The following MACF1 variants were observed in gnomAD, a reference collection of about 807,000 sequenced individuals.
The protein encoded by MACF1 is microtubule-actin cross-linking factor 1.
MACF1 carries 193 observed loss-of-function variants against 854.8 expected under a neutral mutation model. The ratio of observed to expected loss-of-function variants is 0.23; its 90% CI spans 0.20 to 0.25. The LOEUF (loss-of-function observed/expected upper bound fraction) is 0.25, where lower values mean the gene tolerates loss of function less well. MACF1 is among the 10% of genes least tolerant of loss of function. The pLI is 1.00. For missense variants in MACF1, 7,722 were observed against 8,929.1 expected (o/e 0.86, Z 5.45); for synonymous variants, 3,185 against 3,226.7 (o/e 0.99, Z 0.44).
chr1:39,411,856 TATG>T (rs745836053), intron 58 of MACF1: 93 of 1,613,824 alleles, frequency 5.8e-5, no homozygotes, highest in Non-Finnish European at 7.6e-5. Context: ...GGCAAAAGAT[TATG>T]ATACTAGATT....
Position 39,334,009 on chromosome 1 carries a change from G to T in MACF1, c.7421G>T (p.Ser2474Ile). Reference sequence around the variant, plus strand: ...ACAACAGGACTTATAGACCCTGATAGTAAAGCACCTTTAACAGTTGTGCAG... The same window carrying T: ...ACAACAGGACTTATAGACCCTGATATTAAAGCACCTTTAACAGTTGTGCAG... Reference protein sequence around the residue: ...METTGLIDPDSKAPLTVVQSI... With the variant: ...METTGLIDPDIKAPLTVVQSI... The change falls in exon 37 of 101, where the codon AGT (serine) becomes ATT (isoleucine). Residue 2474 changes from serine (S) to isoleucine (I), a missense_variant. Ser to Ile is a moderately radical substitution (Grantham distance 142). Coordinates refer to ENST00000564288, the MANE Select transcript of MACF1 (RefSeq NM_001394062.1). 3 of 1,614,206 alleles carry T rather than the reference G, an allele frequency of 1.9e-6. No homozygotes were observed. In the South Asian group the frequency reaches 3.3e-5, roughly 18 times the overall value.
intron 58 of MACF1, chr1:39,413,199 T>C (rs780891493): frequency 6.2e-7 from 1 of 1,613,504 alleles, no homozygotes; most frequent in Non-Finnish European, 8.5e-7. Flanking sequence ...TCACCCCAGC[T>C]ACCACAGTGC....
At chr1:39,463,481 A>G in intron 93 of MACF1, 131 bp from the exon 94 acceptor site, 1 of 605,688 alleles carries the variant, frequency 1.7e-6, no homozygotes, top group Non-Finnish European at 3.0e-6. Context: ...CAAGAGCGAA[A>G]CTCCATCTCA....
intron 99 of MACF1, among the ~76,000 whole-genome samples, chr1:39,483,073 C>A (rs1397989278): frequency 1.0e-5 from 1 of 99,670 alleles, no homozygotes; most frequent in East Asian, 3.1e-4. Flanking sequence ...GGTGATGGAG[C>A]AAGACTCTGT....
intron 6 of MACF1, among the ~76,000 whole-genome samples, chr1:39,274,955 G>C (rs188637817): frequency 2.8e-4 from 42 of 152,142 alleles, no homozygotes; most frequent in African/African-American, 9.4e-4. Flanking sequence ...AAACACCCTT[G>C]TAGAAAAATA....
rs1112365 is a variant in MACF1, at chr1:39,230,972, G to A, written c.110-210G>A. ...TGCCATGGTATGATTTTTGAGGCACGTGGTGATTCTGTCTGATTTGTAAAC... is the reference window on the plus strand; with the variant it reads ...TGCCATGGTATGATTTTTGAGGCACATGGTGATTCTGTCTGATTTGTAAAC... On this transcript the variant is annotated intron_variant, in intron 1 of 100. Transcript: ENST00000564288. 0.031 allele frequency among the ~76,000 whole-genome samples: 4,691 copies of A among 152,252 alleles called. 236 individuals are homozygous for A. Among genetic ancestry groups the A allele is most frequent in the African/African-American group, 0.11 (4,431 of 41,520 alleles).
At chr1:39,322,541 A>ATTAAG in intron 31 of MACF1, 67 bp from the exon 32 acceptor site, 1 of 1,335,648 alleles carries the variant, frequency 7.5e-7, no homozygotes, top group Non-Finnish European at 1.1e-6. Flanking sequence ...AAAAGCTATG[A>ATTAAG]TTTATTACAT....
At chr1:39,306,746 C>T (rs1167590464) in intron 23 of MACF1, among the ~76,000 whole-genome samples, 4 of 151,706 alleles carry the variant, frequency 2.6e-5, no homozygotes, top group South Asian at 4.2e-4. Flanking sequence ...TGGTGGATTA[C>T]ACTCTCCAAT....
At chr1:39,195,553 A>G (rs1644308753) in intron 2 of MACF1, among the ~76,000 whole-genome samples, 1 of 152,252 alleles carries the variant, frequency 6.6e-6, no homozygotes, top group Non-Finnish European at 1.5e-5. Flanking sequence ...CAGATAAAGT[A>G]TAATAAAAGC....
chr1:39,413,980 G>A, intron 58 of MACF1: 1 of 1,607,790 alleles, frequency 6.2e-7, no homozygotes, highest in Non-Finnish European at 8.5e-7. Context: ...GTCCAACCCA[G>A]AGGAGCCCAC....
chr1:39,096,123 C>T (rs1005841336), intron 2 of MACF1, among the ~76,000 whole-genome samples: 13 of 149,942 alleles, frequency 8.7e-5, no homozygotes, highest in African/African-American at 2.2e-4. Flanking sequence ...GACCCATGAT[C>T]GCACCACTGC....
chr1:39,360,052 T>TATAC (rs1197982446), intron 47 of MACF1, among the ~76,000 whole-genome samples: 150 of 49,722 alleles, frequency 3.0e-3, no homozygotes, highest in Non-Finnish European at 4.4e-3. Context: ...TATATATATA[T>TATAC]ACACACACAC....
chr1:39,234,576 C>T (rs1167690619), intron 2 of MACF1, among the ~76,000 whole-genome samples: 58 of 92,648 alleles, frequency 6.3e-4, no homozygotes, highest in African/African-American at 2.1e-3. Flanking sequence ...CCGGACGGGG[C>T]GGCTGGCCTG....
At chr1:39,347,254 G>A (rs1647072883) in intron 41 of MACF1, 44 bp downstream of exon 41, 1 of 1,428,416 alleles carries the variant, frequency 7.0e-7, no homozygotes, top group South Asian at 1.2e-5. Context: ...CTTTGGGGAT[G>A]TCCTCTGTCA....
intron 97 of MACF1, among the ~76,000 whole-genome samples, chr1:39,479,513 G>A (rs1557676400): frequency 1.3e-5 from 2 of 152,212 alleles, no homozygotes; most frequent in Admixed American, 1.3e-4. Flanking sequence ...AGCAGTCAGT[G>A]TGCTTACCCC....
intron 66 of MACF1, among the ~76,000 whole-genome samples, chr1:39,431,901 A>G (rs907453901): frequency 3.3e-5 from 5 of 152,162 alleles, no homozygotes; most frequent in African/African-American, 1.2e-4. Context: ...ACTCGCGCCT[A>G]GGAGTTAGAG....
intron 1 of MACF1, among the ~76,000 whole-genome samples, chr1:39,230,436 A>G (rs1644764808): frequency 6.6e-6 from 1 of 152,176 alleles, no homozygotes; most frequent in Non-Finnish European, 1.5e-5. Context: ...GCTTTCAGAA[A>G]TAGAAAAGGA....
rs184407927 is a variant in MACF1, at chr1:39,163,113, G to A, written c.221-68069G>A. Among the ~76,000 whole-genome samples, 55 of 152,134 alleles carry A rather than the reference G, an allele frequency of 3.6e-4. 1 individual carries two copies. The East Asian group carries it at 5.8e-3, about 16-fold the overall frequency. On this transcript the variant is annotated intron_variant, in intron 2 of 93. Coordinates refer to the MACF1 transcript ENST00000361689. ...CACGCCTGTAATCCCAGCACTTTGG[G>A]ACGCCGAGGCTGGCGGATCACGAGG...
intron 2 of MACF1, among the ~76,000 whole-genome samples, chr1:39,233,927 G>A (rs1644819431): frequency 1.4e-5 from 2 of 145,440 alleles, no homozygotes; most frequent in Admixed American, 7.0e-5. Flanking sequence ...CTAGGCAGAG[G>A]ACCCTGCGGC....
Sources: gnomAD v4.1 joint callset for allele counts (sites outside exome capture counted in the v4.1 genomes callset) on GRCh38, gnomAD v4.1.1 for gene constraint, MANE v1.5 for transcripts, NCBI Gene and HGNC (gene_info 2026-07-23, HGNC 2026-07-21) for gene names.